Variants in FCHO2 observed in about 807,000 individuals in gnomAD.
FCHO2 encodes the protein F-BAR domain only protein 2.
FCHO2 carries 43 observed loss-of-function variants against 114.1 expected under a neutral mutation model. The observed-to-expected ratio is 0.38, with a 90% CI of 0.30 to 0.49. The LOEUF (loss-of-function observed/expected upper bound fraction) is 0.49, where lower values mean the gene tolerates loss of function less well. Among genes scored for constraint, FCHO2 ranks in the 20% least tolerant of loss-of-function variants. The probability of loss-of-function intolerance (pLI) is 0.97; values close to 1 mark genes in which losing one functional copy is unlikely to be tolerated. For synonymous variants in FCHO2, 293 were observed against 315.2 expected (o/e 0.93, Z 0.75); for missense variants, 807 against 950.4 (o/e 0.85, Z 1.98).
chr5:72,988,754 T>A (rs1753669766), intron 2 of FCHO2, among the ~76,000 whole-genome samples: 1 of 152,204 alleles, frequency 6.6e-6, no homozygotes, highest in South Asian at 2.1e-4. Flanking sequence ...TGTTGAAGAA[T>A]AATAAAACTA....
chr5:72,989,569 T>C (rs1753715192), intron 3 of FCHO2, 68 bp downstream of exon 3: 19 of 1,265,068 alleles, frequency 1.5e-5, no homozygotes, highest in Non-Finnish European at 2.0e-5. Flanking sequence ...TAGGTTCCTT[T>C]TGAGGACATA....
At chr5:73,071,547 A>G (rs1012513280) in intron 19 of FCHO2, among the ~76,000 whole-genome samples, 3 of 152,080 alleles carry the variant, frequency 2.0e-5, no homozygotes, top group Non-Finnish European at 4.4e-5. Context: ...CATTTTCAAA[A>G]CAAAATTATC....
At chr5:73,066,575 CTTTTTTTTT>C (rs3054234) in intron 18 of FCHO2, among the ~76,000 whole-genome samples, 1 of 101,450 alleles carries the variant, frequency 9.9e-6, no homozygotes, top group East Asian at 2.8e-4. Context: ...AGTGCCTTTT[CTTTTTTTTT>C]TTTTTTTTTT....
Position 73,074,793 on chromosome 5 carries a change from C to A in FCHO2, c.1631C>A (p.Pro544His). The A allele has an allele frequency of 1.9e-6, 3 of 1,613,072 alleles. No homozygotes were observed. Among genetic ancestry groups the A allele is most frequent in the Non-Finnish European group, 2.5e-6 (3 of 1,179,462 alleles). Reference sequence around the variant, plus strand: ...AGCCTTGGAAATCAGGATACCTTACCTGTGGCAGTTGCCCTTACAGAATCT... The same window carrying A: ...AGCCTTGGAAATCAGGATACCTTACATGTGGCAGTTGCCCTTACAGAATCT... ...PVSLGNQDTL[P>H]VAVALTESVN... The change falls in exon 20 of 26, where the codon CCT (proline) becomes CAT (histidine). Residue 544 changes from proline to histidine, a missense_variant. Transcript: ENST00000430046.
rs147182358 is a variant in FCHO2, at chr5:73,008,561, C to T, written c.600+2012C>T. 6.6e-5 allele frequency among the ~76,000 whole-genome samples: 10 copies of T among 152,182 alleles called. No individual in the cohort carries two copies. In the East Asian group the frequency reaches 9.6e-4, roughly 15 times the overall value. The stretch of plus-strand genomic sequence containing the variant: ...AATTTTGAACATGTTAATTTTAAGA[C>T]GCCTATGAGATACATAATTGGTGAC... On this transcript the variant is annotated intron_variant, in intron 6 of 25. Coordinates refer to ENST00000430046, the MANE Select transcript of FCHO2 (RefSeq NM_138782.3).
intron 6 of FCHO2, 150 bp downstream of exon 6, chr5:73,006,699 G>A (rs745684073): frequency 6.0e-5 from 33 of 553,798 alleles, no homozygotes; most frequent in East Asian, 1.7e-4. Flanking sequence ...TACATGTCGC[G>A]TTTTGGAGAT....
intron 24 of FCHO2, among the ~76,000 whole-genome samples, chr5:73,084,279 T>A (rs998114508): frequency 6.6e-6 from 1 of 152,286 alleles, no homozygotes; most frequent in South Asian, 2.1e-4. Context: ...TTGTTTTGTT[T>A]TTTTGAGACA....
chr5:72,959,454 G>A (rs775403903), intron 1 of FCHO2, among the ~76,000 whole-genome samples: 1 of 152,042 alleles, frequency 6.6e-6, no homozygotes, highest in East Asian at 1.9e-4. Context: ...GTTGCAGTAG[G>A]TTATGATTGG....
At chr5:72,996,577 C>A (rs1249900835) in intron 5 of FCHO2, among the ~76,000 whole-genome samples, 1 of 149,048 alleles carries the variant, frequency 6.7e-6, no homozygotes, top group African/African-American at 2.5e-5. Flanking sequence ...CTGTCCCCTT[C>A]CCCAATTAAT....
intron 11 of FCHO2, among the ~76,000 whole-genome samples, chr5:73,044,080 C>T (rs780598710): frequency 3.3e-5 from 5 of 152,156 alleles, no homozygotes; most frequent in Non-Finnish European, 5.9e-5. Context: ...CCTTCACTCT[C>T]TTCCTCTTAC....
chr5:72,970,850 C>T (rs889343509), intron 2 of FCHO2, among the ~76,000 whole-genome samples: 20 of 152,300 alleles, frequency 1.3e-4, no homozygotes, highest in African/African-American at 4.1e-4. Context: ...TCCCTCTCCC[C>T]TCCCCGCAAC....
chr5:72,986,578 G>A (rs923781713), intron 2 of FCHO2, among the ~76,000 whole-genome samples: 14 of 152,162 alleles, frequency 9.2e-5, no homozygotes, highest in Admixed American at 3.9e-4. Context: ...CAGTTACCTT[G>A]CCCCCACCCT....
At chr5:72,967,971 C>T (rs545810389) in intron 1 of FCHO2, among the ~76,000 whole-genome samples, 1 of 150,136 alleles carries the variant, frequency 6.7e-6, no homozygotes, top group Admixed American at 6.7e-5. Flanking sequence ...GTCACCCAGG[C>T]TGGGGCGCAG....
In FCHO2 at chr5:73,068,929, A is replaced by ATGCTT. The variant is rs1321700276; in HGVS notation, c.1579+157_1579+161dup. 3.7e-5 allele frequency: 34 copies of ATGCTT among 914,642 alleles called. No individual in the cohort carries two copies. The South Asian group carries it at 5.9e-4, about 16-fold the overall frequency. 56.7% of individuals were successfully genotyped at this position (914,642 alleles called of 1,614,324 possible). ...ACACCTGGAATTTATTAAACTGTCC[A>ATGCTT]TGCTTTGCTTTTCTGTTTCACAGTC... On this transcript the variant is annotated intron_variant, in intron 19 of 25. Transcript: ENST00000430046.
chr5:73,039,240 T>C (rs1756684576), intron 10 of FCHO2, among the ~76,000 whole-genome samples: 1 of 152,208 alleles, frequency 6.6e-6, no homozygotes, highest in Non-Finnish European at 1.5e-5. Flanking sequence ...TTTGAGATGC[T>C]AGTAATTGTG....
At chr5:72,962,968 T>C (rs1751957256) in intron 1 of FCHO2, among the ~76,000 whole-genome samples, 1 of 151,948 alleles carries the variant, frequency 6.6e-6, no homozygotes, top group African/African-American at 2.4e-5. Context: ...ATTGTTGTGA[T>C]GTGGGGAGAA....
intron 11 of FCHO2, among the ~76,000 whole-genome samples, chr5:73,048,940 G>C (rs987750138): frequency 1.9e-4 from 28 of 143,850 alleles, no homozygotes; most frequent in African/African-American, 5.5e-4. Flanking sequence ...GCAGTGGCGC[G>C]ATCTCGGCTC....
In FCHO2 at chr5:73,021,647, A is replaced by G. The variant is rs78273762; in HGVS notation, c.796+4339A>G. Among the ~76,000 whole-genome samples the G allele has an allele frequency of 1.5e-3, 234 of 152,296 alleles. 4 individuals are homozygous for G. The East Asian group carries it at 0.038, about 25-fold the overall frequency. ...CCATCAAAAGTGCCAGAGAACTTAT[A>G]TATTTCTTTCTTGCCTTGTTGCTGT... is the stretch of plus-strand genomic sequence containing the variant. On this transcript the variant is annotated intron_variant, in intron 8 of 25. Transcript: ENST00000430046.
chr5:72,992,739 C>T (rs1489048081), intron 5 of FCHO2, among the ~76,000 whole-genome samples: 4 of 152,110 alleles, frequency 2.6e-5, no homozygotes, highest in Admixed American at 2.6e-4. Flanking sequence ...TTGGCCATAT[C>T]TACAATATTC....
Sources: allele counts gnomAD v4.1 joint callset (sites outside exome capture counted in the v4.1 genomes callset), GRCh38; gene constraint gnomAD v4.1.1; transcripts MANE v1.5; gene names NCBI Gene and HGNC (gene_info 2026-07-23, HGNC 2026-07-21).